TYW1: variants seen among roughly 807,000 people sequenced by gnomAD.
The protein encoded by TYW1 is tRNA-yW synthesizing protein 1 homolog.
Under a neutral mutation model 96.2 loss-of-function variants are expected in TYW1, and 46 were observed. That is an observed-to-expected ratio of 0.48 (90% CI 0.38 to 0.61). TYW1 has a LOEUF of 0.61. TYW1 is among the 20% of genes least tolerant of loss of function. TYW1 has a pLI of 0.00. For synonymous variants in TYW1, 274 were observed against 323.0 expected, an observed-to-expected ratio of 0.85 and a Z score of 1.63; for missense variants, 684 against 909.6, an observed-to-expected ratio of 0.75 and a Z score of 3.19.
chr7:67,104,307 G>A (rs1194373146), intron 12 of TYW1, among the ~76,000 whole-genome samples: 2 of 152,168 alleles, frequency 1.3e-5, no homozygotes, highest in South Asian at 2.1e-4. Flanking sequence ...CAGGAAGCAC[G>A]GCAGGGGAGG....
intron 15 of TYW1, among the ~76,000 whole-genome samples, chr7:67,209,119 A>G (rs2019826): frequency 0.27 from 40,890 of 152,092 alleles, 5,878 homozygotes; most frequent in African/African-American, 0.36. Context: ...TTGCACCAAC[A>G]TAATAGAAGG....
rs1798178960 is a variant in TYW1 at position 67,134,359 on chromosome 7, A to G, written c.1698+16741A>G. 2.0e-5 allele frequency among the ~76,000 whole-genome samples: 3 copies of G among 151,990 alleles called. No individual in the cohort carries two copies. In the South Asian group the frequency reaches 6.2e-4, roughly 32 times the overall value. On this transcript the variant is annotated intron_variant, in intron 13 of 15. Transcript: ENST00000359626. ...GGAGTTCGAGACCAGCCTGGACAAC[A>G]TGGTGAAACCCTGTTAGTACTAAAA...
At chr7:67,203,698 A>G (rs960279799) in intron 15 of TYW1, among the ~76,000 whole-genome samples, 4 of 152,168 alleles carry the variant, frequency 2.6e-5, no homozygotes, top group Admixed American at 1.3e-4. Context: ...AGTTTATTGT[A>G]TTTACTCATA....
intron 13 of TYW1, among the ~76,000 whole-genome samples, chr7:67,182,266 C>A (rs1402015812): frequency 6.6e-6 from 1 of 152,200 alleles, no homozygotes; most frequent in African/African-American, 2.4e-5. Flanking sequence ...TGTCTAATTA[C>A]ATTTTCAGAA....
chr7:67,113,613 T>TTTTC (rs984663131), intron 12 of TYW1, among the ~76,000 whole-genome samples: 7 of 151,404 alleles, frequency 4.6e-5, no homozygotes, highest in South Asian at 2.1e-4. Flanking sequence ...ACTGTTTTTC[T>TTTTC]TTTCTTTCTT....
At chr7:67,105,469 C>CT (rs1240340232) in intron 12 of TYW1, among the ~76,000 whole-genome samples, 1 of 152,024 alleles carries the variant, frequency 6.6e-6, no homozygotes, top group Non-Finnish European at 1.5e-5. Context: ...CTGTTTATCA[C>CT]TTTTTTTTGG....
intron 15 of TYW1, among the ~76,000 whole-genome samples, chr7:67,223,780 G>A (rs1297336969): frequency 6.6e-6 from 1 of 151,740 alleles, no homozygotes; most frequent in African/African-American, 2.4e-5. Flanking sequence ...CTGAGTCATC[G>A]GGGACTGGTA....
At chr7:67,074,927 G>T (rs1298044775) in intron 10 of TYW1, among the ~76,000 whole-genome samples, 2 of 152,046 alleles carry the variant, frequency 1.3e-5, no homozygotes, top group African/African-American at 4.8e-5. Context: ...CTGTCTCCTG[G>T]GTTCAAGCGA....
At chr7:67,036,312 A>C (rs113666517) in intron 7 of TYW1, among the ~76,000 whole-genome samples, 10,837 of 151,740 alleles carry the variant, frequency 0.071, 498 homozygotes, top group South Asian at 0.12. Flanking sequence ...TGGGATTATA[A>C]AAACATGTTT....
At position 67,014,861 on chromosome 7, in the gene TYW1, C is replaced by G. The variant is rs12534156; in HGVS notation, c.570+300C>G. Among the ~76,000 whole-genome samples the G allele has an allele frequency of 0.04, 6,069 of 152,086 alleles. 183 individuals carry two copies. The highest frequency in any genetic ancestry group is 0.11 in the Middle Eastern group (31 of 294). On this transcript the variant is annotated intron_variant, in intron 5 of 15. Coordinates refer to ENST00000359626, the MANE Select transcript of TYW1 (RefSeq NM_018264.4). ...TCTCCTGCCTCAACCTCCCGAGTAG[C>G]TGGGATTACAGGCATGTGCCACCAG...
At chr7:67,228,451 G>A (rs1314886675) in intron 15 of TYW1, among the ~76,000 whole-genome samples, 1 of 152,100 alleles carries the variant, frequency 6.6e-6, no homozygotes, top group Non-Finnish European at 1.5e-5. Context: ...CACAACACAT[G>A]GGAATTGTGG....
chr7:67,019,640 T>C (rs2129243878), intron 6 of TYW1, among the ~76,000 whole-genome samples: 1 of 17,280 alleles, frequency 5.8e-5, no homozygotes, highest in South Asian at 1.7e-3. Flanking sequence ...AGCCAAAATA[T>C]ATAAATATAA....
intron 7 of TYW1, among the ~76,000 whole-genome samples, chr7:67,048,680 G>A (rs932892167): frequency 5.3e-5 from 8 of 152,120 alleles, no homozygotes; most frequent in South Asian, 2.1e-4. Flanking sequence ...AAGGTGTGCT[G>A]GTGAAATTTC....
intron 15 of TYW1, among the ~76,000 whole-genome samples, chr7:67,227,445 C>T (rs4718489): frequency 0.017 from 2,514 of 152,148 alleles, 33 homozygotes; most frequent in Admixed American, 0.044. Context: ...TTAGTAGAGA[C>T]GGAGTTTCAC....
intron 13 of TYW1, among the ~76,000 whole-genome samples, chr7:67,140,097 G>A (rs1220315710): frequency 2.0e-5 from 3 of 151,844 alleles, no homozygotes; most frequent in Admixed American, 1.3e-4. Flanking sequence ...GAGAACTTGT[G>A]CAGGGGAACC....
intron 14 of TYW1, among the ~76,000 whole-genome samples, chr7:67,190,019 G>A (rs984922503): frequency 6.6e-6 from 1 of 151,702 alleles, no homozygotes; most frequent in Admixed American, 6.6e-5. Flanking sequence ...CTGTCTGTGT[G>A]TTCTCTGCCT....
At chr7:67,223,444 C>T (rs1349226473) in intron 15 of TYW1, among the ~76,000 whole-genome samples, 2 of 152,246 alleles carry the variant, frequency 1.3e-5, no homozygotes, top group East Asian at 3.9e-4. Context: ...GTACCTTTCC[C>T]TGGGCATCCA....
At chr7:67,085,793 A>T (rs1181284538) in intron 11 of TYW1, among the ~76,000 whole-genome samples, 1 of 151,920 alleles carries the variant, frequency 6.6e-6, no homozygotes, top group African/African-American at 2.4e-5. Context: ...ACATGGTGAA[A>T]CCCCATCTCT....
At chr7:67,007,686 G>A (rs563412145) in intron 3 of TYW1, among the ~76,000 whole-genome samples, 3 of 152,046 alleles carry the variant, frequency 2.0e-5, no homozygotes, top group South Asian at 2.1e-4. Flanking sequence ...AGGCTGGAGT[G>A]CAGTGTGGCA....
Sources: gnomAD v4.1 joint callset for allele counts (sites outside exome capture counted in the v4.1 genomes callset) on GRCh38, gnomAD v4.1.1 for gene constraint, MANE v1.5 for transcripts, NCBI Gene and HGNC (gene_info 2026-07-23, HGNC 2026-07-21) for gene names.